The following REXO1 variants were observed in gnomAD, a reference collection of about 807,000 sequenced individuals.
The protein encoded by REXO1 is RNA exonuclease 1 homolog.
In REXO1, 42 loss-of-function variants were observed where a neutral mutation model predicts 102.6. That is an observed-to-expected ratio of 0.41 (90% CI 0.32 to 0.53). The LOEUF (loss-of-function observed/expected upper bound fraction) is 0.53. Ranked by LOEUF, REXO1 falls within the 20% of genes least tolerant of loss-of-function variation. The probability of loss-of-function intolerance (pLI) is 0.27; values close to 1 mark genes in which losing one functional copy is unlikely to be tolerated. For missense variants in REXO1, 1,819 were observed against 1,732.5 expected (o/e 1.05, Z -0.89); for synonymous variants, 908 against 779.1 (o/e 1.17, Z -2.76).
At chr19:1,838,137 TG>T (rs2070095380) in intron 1 of REXO1, among the ~76,000 whole-genome samples, 1 of 151,870 alleles carries the variant, frequency 6.6e-6, no homozygotes, top group African/African-American at 2.4e-5. Flanking sequence ...CTGGCCAACA[TG>T]GGGAAACCCC....
chr19:1,848,103 G>A (rs1470730837), intron 1 of REXO1, 99 bp downstream of exon 1: 18 of 560,324 alleles, frequency 3.2e-5, no homozygotes, highest in Non-Finnish European at 4.7e-5. Context: ...GTGTGGGGAG[G>A]AGGCTGGGCC....
At chr19:1,818,412 G>C in intron 10 of REXO1, 70 bp downstream of exon 10, 1 of 1,181,512 alleles carries the variant, frequency 8.5e-7, no homozygotes. Context: ...CCAGTTCTGG[G>C]GGCCTCAAGG....
Position 1,816,768 on chromosome 19 carries a change from C to T in REXO1, c.3247G>A (p.Asp1083Asn), listed in dbSNP as rs762685518. 19 of 1,612,816 alleles carry T rather than the reference C, an allele frequency of 1.2e-5. No homozygotes were observed. Among genetic ancestry groups the T allele is most frequent in the South Asian group, 4.4e-5 (4 of 91,074 alleles). The change falls in exon 13 of 16, where the codon GAC becomes AAC. Residue 1083 changes from aspartate to asparagine, a missense_variant. By Grantham distance (23) the Asp-to-Asn change is conservative (BLOSUM62 1). Coordinates refer to ENST00000170168, the MANE Select transcript of REXO1 (RefSeq NM_020695.4). ...TCATAAACCACGTGCACGTCCGTGT[C>T]GACCACCGTGACGCGCGTCAGCTCC... is the stretch of plus-strand genomic sequence containing the variant. ...GLELTRVTVVDTDVHVVYDTF... is the reference protein window; with the variant it reads ...GLELTRVTVVNTDVHVVYDTF...
chr19:1,841,641 A>G (rs2011286343), intron 1 of REXO1, among the ~76,000 whole-genome samples: 1 of 152,134 alleles, frequency 6.6e-6, no homozygotes, highest in South Asian at 2.1e-4. Context: ...CTCCAGAGGG[A>G]CAGAGGCCGG....
At chr19:1,820,470 G>A (rs975831380) in intron 5 of REXO1, 75 bp from the exon 6 acceptor site, 2 of 1,559,358 alleles carry the variant, frequency 1.3e-6, no homozygotes, top group South Asian at 1.1e-5. Context: ...ACGCGATGAG[G>A]CCGTGCCCAT....
chr19:1,834,204 G>A (rs953532200), intron 1 of REXO1, among the ~76,000 whole-genome samples: 11 of 152,120 alleles, frequency 7.2e-5, no homozygotes, highest in African/African-American at 2.2e-4. Context: ...GCAGACACCC[G>A]CGAGCCCTTC....
intron 1 of REXO1, among the ~76,000 whole-genome samples, chr19:1,841,996 A>G (rs1224929052): frequency 2.6e-5 from 4 of 152,162 alleles, no homozygotes; most frequent in Non-Finnish European, 4.4e-5. Flanking sequence ...GGATCACTTG[A>G]GGCCAGGAGT....
chr19:1,819,631 C>T (rs1016410115), intron 7 of REXO1, among the ~76,000 whole-genome samples: 1 of 152,220 alleles, frequency 6.6e-6, no homozygotes, highest in African/African-American at 2.4e-5. Flanking sequence ...TGGAGCTCGC[C>T]CAGCCCTGGG....
chr19:1,831,929 A>AC (rs2069917180), intron 1 of REXO1, among the ~76,000 whole-genome samples: 1 of 151,430 alleles, frequency 6.6e-6, no homozygotes, highest in South Asian at 2.1e-4. Context: ...CCCGAGACAC[A>AC]CCCACCAGCA....
intron 10 of REXO1, among the ~76,000 whole-genome samples, chr19:1,818,245 G>A (rs932427821): frequency 6.6e-6 from 1 of 152,226 alleles, no homozygotes; most frequent in African/African-American, 2.4e-5. Flanking sequence ...CCTTTCAGGT[G>A]GTGGCATTTG....
At chr19:1,847,771 G>A (rs1323258325) in intron 1 of REXO1, among the ~76,000 whole-genome samples, 1 of 152,232 alleles carries the variant, frequency 6.6e-6, no homozygotes, top group South Asian at 2.1e-4. Flanking sequence ...AGGCGCGGCC[G>A]GAGGAAACGT....
At position 1,826,876 on chromosome 19, in the gene REXO1, A is replaced by G; in HGVS notation, c.1911+2T>C. 2 of 1,569,082 alleles carry G rather than the reference A, an allele frequency of 1.3e-6. No individual in the cohort carries two copies. Among genetic ancestry groups the G allele is most frequent in the South Asian group, 1.2e-5 (1 of 85,794 alleles). The stretch of plus-strand genomic sequence containing the variant: ...CCCAGCCCCAGCACCCGCGCGCCTC[A>G]CCTGCCGGGCCAGCCGGCCTCTGTC... On this transcript the variant is annotated splice_donor_variant, in intron 2 of 15. Coordinates refer to ENST00000170168, the MANE Select transcript of REXO1 (RefSeq NM_020695.4). LOFTEE classifies it high-confidence loss of function. The surrounding 1 kb of genome is among the most constrained non-coding windows in gnomAD (Gnocchi z 4.3).
Position 1,848,190 on chromosome 19 carries a change from G to T in REXO1, c.157+12C>A. The T allele has an allele frequency of 1.7e-6, 2 of 1,200,970 alleles. No individual in the cohort carries two copies. The highest frequency in any genetic ancestry group is 4.1e-5 in the South Asian group (1 of 24,190). The allele number at this position is 1,200,970 out of a possible 1,614,324, so 74.4% of individuals were successfully genotyped here. ...GAGCCGAGCCCAAGGCAAGCAGGCGGGCGGGCATTACCTGCTGCGGGGGGC... is the reference window on the plus strand; with the variant it reads ...GAGCCGAGCCCAAGGCAAGCAGGCGTGCGGGCATTACCTGCTGCGGGGGGC... On this transcript the variant is annotated intron_variant, in intron 1 of 15. Transcript: ENST00000170168.
chr19:1,828,942 G>A (rs1284206842), intron 1 of REXO1, among the ~76,000 whole-genome samples: 1 of 152,238 alleles, frequency 6.6e-6, no homozygotes, highest in Non-Finnish European at 1.5e-5. Context: ...ACCATGGTGG[G>A]GTGGACACTC....
chr19:1,820,165 C>T (rs900762426), intron 6 of REXO1, 99 bp downstream of exon 6: 8 of 1,558,942 alleles, frequency 5.1e-6, no homozygotes, highest in Middle Eastern at 3.4e-4. Context: ...CAGGCAGCTC[C>T]GGGTCACAGC....
Position 1,816,421 on chromosome 19 carries a change from G to T in REXO1, c.3456+10C>A. The T allele has an allele frequency of 6.2e-7, 1 of 1,610,066 alleles. No individual in the cohort carries two copies. Among genetic ancestry groups the T allele is most frequent in the Non-Finnish European group, 8.5e-7 (1 of 1,178,650 alleles). On this transcript the variant is annotated intron_variant, in intron 14 of 15. Coordinates refer to ENST00000170168, the MANE Select transcript of REXO1 (RefSeq NM_020695.4). ...TGGAGAACCGCGCGGGACCCGGGCC[G>T]GCAGGGCACCTTCAGGGCCAGGAGG... is the stretch of plus-strand genomic sequence containing the variant.
chr19:1,816,839 T>C (rs753811633), intron 12 of REXO1, 26 bp from the exon 13 acceptor site: 1 of 1,560,136 alleles, frequency 6.4e-7, no homozygotes, highest in Non-Finnish European at 8.8e-7. Flanking sequence ...GCACCTCAGA[T>C]GTGTCCCAGG....
chr19:1,832,802 G>C (rs868614365), intron 1 of REXO1, among the ~76,000 whole-genome samples: 1 of 151,506 alleles, frequency 6.6e-6, no homozygotes, highest in African/African-American at 2.4e-5. Flanking sequence ...TGTAATCCCA[G>C]CTACTGAGGA....
At position 1,818,838 on chromosome 19, in the gene REXO1, C is replaced by T. The variant is rs200293524; in HGVS notation, c.2770G>A (p.Ala924Thr). 6.2e-7 allele frequency: 1 copy of T among 1,609,190 alleles called. No individual in the cohort carries two copies. The highest frequency in any genetic ancestry group is 8.5e-7 in the Non-Finnish European group (1 of 1,179,624). Reference sequence around the variant, plus strand: ...TACTCCCTGAGGCGGCTGTACAGGGCAGCCCCTGTGGACAGGCACAGTGGT... The same window carrying T: ...TACTCCCTGAGGCGGCTGTACAGGGTAGCCCCTGTGGACAGGCACAGTGGT... ...SPRVEDLKGA[A>T]LYSRLREYLL... Residue 924 changes from alanine to threonine, a missense_variant, in exon 9 of 16, where the codon GCC becomes ACC. Physicochemically the swap from Ala to Thr is moderately conservative, Grantham distance 58 (BLOSUM62 0). Transcript: ENST00000170168.
Sources: allele counts gnomAD v4.1 joint callset (sites outside exome capture counted in the v4.1 genomes callset), GRCh38; gene constraint gnomAD v4.1.1; non-coding constraint Gnocchi (gnomAD v3.1); transcripts MANE v1.5; gene names NCBI Gene and HGNC (gene_info 2026-07-23, HGNC 2026-07-21).